AAK1: variants seen among roughly 807,000 people sequenced by gnomAD.
The protein encoded by AAK1 is AP2 associated kinase 1.
Under a neutral mutation model 116.0 loss-of-function variants are expected in AAK1, and 37 were observed. The ratio of observed to expected loss-of-function variants is 0.32; its 90% confidence interval spans 0.25 to 0.42. The LOEUF is 0.42. Among genes scored for constraint, AAK1 ranks in the 10% least tolerant of loss-of-function variants. The probability of loss-of-function intolerance (pLI) is 1.00; values close to 1 mark genes in which losing one functional copy is unlikely to be tolerated. For synonymous variants in AAK1, 458 were observed against 439.9 expected (o/e 1.04, Z -0.51); for missense variants, 919 against 1,170.6 (o/e 0.79, Z 3.14).
intron 2 of AAK1, among the ~76,000 whole-genome samples, chr2:69,584,448 G>C (rs867710591): frequency 2.6e-5 from 4 of 152,316 alleles, no homozygotes; most frequent in Middle Eastern, 3.4e-3. Flanking sequence ...AAGAAAGTCA[G>C]AGTCAGAAGG....
chr2:69,591,631 CG>C (rs1673038352), intron 2 of AAK1, among the ~76,000 whole-genome samples: 1 of 149,122 alleles, frequency 6.7e-6, no homozygotes. Context: ...AGTGCAGTGG[CG>C]CAATCTCGGC....
At chr2:69,482,525 A>C in intron 18 of AAK1, 186 bp downstream of exon 18, 1 of 695,620 alleles carries the variant, frequency 1.4e-6, no homozygotes, top group Non-Finnish European at 2.7e-6. Flanking sequence ...AAAGGCAAAA[A>C]ATAGACGTTG....
chr2:69,537,795 C>T (rs984260193), intron 5 of AAK1, among the ~76,000 whole-genome samples: 2 of 152,174 alleles, frequency 1.3e-5, no homozygotes, highest in Non-Finnish European at 2.9e-5. Context: ...TAAAATCTAA[C>T]GTGCTAATGA....
At chr2:69,604,973 T>C (rs2105203730) in intron 2 of AAK1, among the ~76,000 whole-genome samples, 1 of 152,288 alleles carries the variant, frequency 6.6e-6, no homozygotes, top group South Asian at 2.1e-4. Flanking sequence ...CTTCAACAAT[T>C]TGCATCAATG....
chr2:69,525,349 G>A (rs901467549), intron 9 of AAK1, among the ~76,000 whole-genome samples: 5 of 152,294 alleles, frequency 3.3e-5, no homozygotes, highest in East Asian at 3.9e-4. Flanking sequence ...AGTAGCTTGT[G>A]TGCAGCACAC....
rs779240971 is a variant in AAK1 at position 69,461,712 on chromosome 2, C to G, written c.*14157G>C. 1 of 405,690 alleles carries G rather than the reference C, an allele frequency of 2.5e-6. No individual in the cohort carries two copies. Among genetic ancestry groups the G allele is most frequent in the East Asian group, 9.4e-5 (1 of 10,694 alleles). The allele number at this position is 405,690 out of a possible 1,614,324, so 25.1% of individuals were successfully genotyped here. On this transcript the variant is annotated 3_prime_UTR_variant, in exon 22 of 22. Coordinates refer to ENST00000409085, the MANE Select transcript of AAK1 (RefSeq NM_014911.5). Reference sequence around the variant, plus strand: ...CTGGGTCAAGCAATTCTGCCTCAGCCTCCCTAGTAACTGGGACTACAGGTG... The same window carrying G: ...CTGGGTCAAGCAATTCTGCCTCAGCGTCCCTAGTAACTGGGACTACAGGTG...
intron 12 of AAK1, among the ~76,000 whole-genome samples, chr2:69,516,491 T>C (rs376175629): frequency 2.6e-5 from 4 of 151,742 alleles, no homozygotes; most frequent in East Asian, 3.8e-4. Context: ...ATTAGGCAAA[T>C]GGTATTTCTA....
Position 69,518,997 on chromosome 2 carries a change from GGCTGCTGCTGTGCTGGCGGTGGCTGTT to G in AAK1, c.1427_1453del (p.Gln476_Gln484del), listed in dbSNP as rs1332969132. 7 of 1,549,654 alleles carry G rather than the reference GGCTGCTGCTGTGCTGGCGGTGGCTGTT, an allele frequency of 4.5e-6. No individual in the cohort carries two copies. The highest frequency in any genetic ancestry group is 6.1e-6 in the Non-Finnish European group (7 of 1,146,578). On this transcript the variant is annotated inframe_deletion, in exon 12 of 22. Transcript: ENST00000409085. The stretch of plus-strand genomic sequence containing the variant: ...CTGCTGCTGGTAAAACGTGCCTGCC[GGCTGCTGCTGTGCTGGCGGTGGCTGTT>G]GCTGCTGCTGTTGCTGCTTGAGGAA...
At position 69,530,710 on chromosome 2, in the gene AAK1, C is replaced by G. The variant is rs1670219942; in HGVS notation, c.657-4G>C. 1.2e-6 allele frequency: 2 copies of G among 1,606,332 alleles called. No homozygotes were observed. The highest frequency in any genetic ancestry group is 2.7e-5 in the African/African-American group (2 of 74,738). On this transcript the variant is annotated splice_polypyrimidine_tract_variant and splice_region_variant and intron_variant, in intron 6 of 21. Coordinates refer to ENST00000409085, the MANE Select transcript of AAK1 (RefSeq NM_014911.5). Reference sequence around the variant, plus strand: ...TCGATAGGACAGCGTTGTGTATCTACAATCAAGAGATTCATTTTTTATTAA... The same window carrying G: ...TCGATAGGACAGCGTTGTGTATCTAGAATCAAGAGATTCATTTTTTATTAA...
At position 69,470,002 on chromosome 2, in the gene AAK1, A is replaced by G. The variant is rs182294718; in HGVS notation, c.*5867T>C. The G allele has an allele frequency of 2.4e-5, 24 of 985,414 alleles. No homozygotes were observed. Among genetic ancestry groups the G allele is most frequent in the Non-Finnish European group, 4.8e-6 (4 of 829,928 alleles). The allele number at this position is 985,414 out of a possible 1,614,324, so 61.0% of individuals were successfully genotyped here. A position where few individuals can be genotyped will look rare whatever the true frequency, so the allele number is the denominator to read the frequency against. ...TCCCTATTCACTTCCAAAGCAACCCAAAGTGCTGAATCATTTAGGATGGGT... is the reference window on the plus strand; with the variant it reads ...TCCCTATTCACTTCCAAAGCAACCCGAAGTGCTGAATCATTTAGGATGGGT... On this transcript the variant is annotated 3_prime_UTR_variant, in exon 22 of 22. Transcript: ENST00000409085.
At chr2:69,574,579 T>C (rs998975314) in intron 2 of AAK1, among the ~76,000 whole-genome samples, 1 of 151,324 alleles carries the variant, frequency 6.6e-6, no homozygotes, top group Non-Finnish European at 1.5e-5. Flanking sequence ...CAAGAGCCCA[T>C]TGCCTTAAAA....
intron 5 of AAK1, 25 bp downstream of exon 5, chr2:69,542,498 C>T (rs750341472): frequency 2.1e-5 from 34 of 1,612,550 alleles, no homozygotes; most frequent in Admixed American, 1.5e-4. Context: ...GTAGAATGCC[C>T]GTAATGAAAG....
rs1292866776 is a variant in AAK1, at chr2:69,465,910, G to T, written c.*9959C>A. On this transcript the variant is annotated 3_prime_UTR_variant, in exon 22 of 22. Transcript: ENST00000409085. The stretch of plus-strand genomic sequence containing the variant: ...GGGACATCACCTGTCTGACTGAGGA[G>T]ACCGGTCTGTGCAGGCAGCTCCTGG... 7.7e-7 allele frequency: 1 copy of T among 1,290,828 alleles called. No individual in the cohort carries two copies. Among genetic ancestry groups the T allele is most frequent in the Admixed American group, 2.3e-5 (1 of 43,554 alleles). The allele number at this position is 1,290,828 out of a possible 1,614,324, so 80.0% of individuals were successfully genotyped here. A position where few individuals can be genotyped will look rare whatever the true frequency, so the allele number is the denominator to read the frequency against.
At chr2:69,531,846 C>T (rs1670272042) in intron 6 of AAK1, 195 bp downstream of exon 6, 3 of 1,254,580 alleles carry the variant, frequency 2.4e-6, no homozygotes, top group African/African-American at 1.5e-5. Context: ...TCCTTTTACT[C>T]TGATGTATGC....
chr2:69,480,408 C>T (rs965010516), intron 19 of AAK1, among the ~76,000 whole-genome samples: 1 of 151,766 alleles, frequency 6.6e-6, no homozygotes, highest in Non-Finnish European at 1.5e-5. Context: ...CAGCAAATTA[C>T]CTATACAGGA....
chr2:69,516,141 C>T lies in AAK1; in HGVS notation c.1498-1392G>A, dbSNP rs891517547. Among the ~76,000 whole-genome samples the T allele has an allele frequency of 2.6e-5, 4 of 151,772 alleles. No individual in the cohort carries two copies. The East Asian group carries it at 5.8e-4, about 22-fold the overall frequency. On this transcript the variant is annotated intron_variant, in intron 12 of 21. Transcript: ENST00000409085. Reference sequence around the variant, plus strand: ...CAAAAGCAAAACAATGCATATAAACCGGTGTATCAAATTGGTAGCTGAACG... The same window carrying T: ...CAAAAGCAAAACAATGCATATAAACTGGTGTATCAAATTGGTAGCTGAACG...
chr2:69,584,766 T>C (rs959365143), intron 2 of AAK1, among the ~76,000 whole-genome samples: 3 of 152,162 alleles, frequency 2.0e-5, no homozygotes. Flanking sequence ...GCATCAAGTC[T>C]TTGAACTCCC....
Position 69,472,240 on chromosome 2 carries a change from C to T in AAK1, c.*3629G>A. ...GTCTTCAACAGTAACCACTCTTCAT[C>T]TTACAGGGTTGAATTTGCTTTCTGG... On this transcript the variant is annotated 3_prime_UTR_variant, in exon 22 of 22. Coordinates refer to ENST00000409085, the MANE Select transcript of AAK1 (RefSeq NM_014911.5). 2.3e-6 allele frequency: 2 copies of T among 876,400 alleles called. No individual in the cohort carries two copies. Among genetic ancestry groups the T allele is most frequent in the Non-Finnish European group, 2.7e-6 (2 of 730,588 alleles). The allele number at this position is 876,400 out of a possible 1,614,324, so 54.3% of individuals were successfully genotyped here.
intron 6 of AAK1, 22 bp downstream of exon 6, chr2:69,532,019 C>A: frequency 1.2e-6 from 2 of 1,611,676 alleles, no homozygotes; most frequent in South Asian, 2.2e-5. Flanking sequence ...GACAAAACTC[C>A]ATGAAAGGAG....
Sources: gnomAD v4.1 joint callset for allele counts (sites outside exome capture counted in the v4.1 genomes callset) on GRCh38, gnomAD v4.1.1 for gene constraint, MANE v1.5 for transcripts, NCBI Gene and HGNC (gene_info 2026-07-23, HGNC 2026-07-21) for gene names.